The following PDZRN4 variants were observed in gnomAD, a reference collection of about 807,000 sequenced individuals.
The protein encoded by PDZRN4 is PDZ domain-containing RING finger protein 4.
A neutral mutation model predicts 99.0 loss-of-function variants in PDZRN4; 70 were observed. That is an observed-to-expected ratio of 0.71 (90% CI 0.58 to 0.86). PDZRN4 has a LOEUF of 0.86. Ranked by LOEUF, PDZRN4 falls within the 40% of genes least tolerant of loss-of-function variation. The pLI, the probability that PDZRN4 is intolerant of heterozygous loss-of-function variation, is 0.00. For synonymous variants in PDZRN4, 551 were observed against 501.6 expected (o/e 1.10, Z -1.32); for missense variants, 1,474 against 1,331.2 (o/e 1.11, Z -1.67).
In PDZRN4 at chr12:41,311,504, T is replaced by C. The variant is rs368676940; in HGVS notation, c.843+117316T>C. Among the ~76,000 whole-genome samples the C allele has an allele frequency of 5.9e-5, 9 of 152,254 alleles. No individual in the cohort carries two copies. The East Asian group carries it at 1.2e-3, about 20-fold the overall frequency. Reference sequence around the variant, plus strand: ...CACAAAGTGATTTTGCTGTGTATCCTGGGTTGAGAGCTACTGCATTCAATA... The same window carrying C: ...CACAAAGTGATTTTGCTGTGTATCCCGGGTTGAGAGCTACTGCATTCAATA... On this transcript the variant is annotated intron_variant, in intron 3 of 9. Transcript: ENST00000402685.
intron 3 of PDZRN4, among the ~76,000 whole-genome samples, chr12:41,401,499 G>T (rs987294130): frequency 6.6e-6 from 1 of 151,854 alleles, no homozygotes; most frequent in South Asian, 2.1e-4. Context: ...ATTAATTATC[G>T]AGTCAGCAAC....
At chr12:41,410,073 T>C (rs1386740657) in intron 3 of PDZRN4, 1 of 152,196 alleles carries the variant, frequency 6.6e-6, no homozygotes, top group Non-Finnish European at 1.5e-5. Flanking sequence ...CTTCAACATA[T>C]TTTTTGGAGG....
intron 5 of PDZRN4, among the ~76,000 whole-genome samples, chr12:41,535,192 C>A (rs1352251418): frequency 6.6e-6 from 1 of 152,116 alleles, no homozygotes; most frequent in Non-Finnish European, 1.5e-5. Context: ...AATGGCTTTG[C>A]AATTATGCAA....
At chr12:41,555,944 T>C (rs1939153539) in intron 7 of PDZRN4, among the ~76,000 whole-genome samples, 184 bp downstream of exon 7, 1 of 151,698 alleles carries the variant, frequency 6.6e-6, no homozygotes, top group African/African-American at 2.4e-5. Context: ...ATATTAAGAG[T>C]GATTAGCTAA....
intron 3 of PDZRN4, among the ~76,000 whole-genome samples, chr12:41,203,284 G>A (rs1304693718): frequency 1.3e-5 from 2 of 151,978 alleles, no homozygotes; most frequent in African/African-American, 4.8e-5. Context: ...GCATAGAATC[G>A]CTACCAAGAA....
intron 3 of PDZRN4, among the ~76,000 whole-genome samples, chr12:41,271,001 G>A (rs1421423380): frequency 6.6e-6 from 1 of 151,950 alleles, no homozygotes; most frequent in Non-Finnish European, 1.5e-5. Context: ...TTCTAAATCT[G>A]AAATATAGTC....
intron 3 of PDZRN4, among the ~76,000 whole-genome samples, chr12:41,298,422 C>T (rs1021653320): frequency 3.9e-5 from 6 of 152,092 alleles, no homozygotes; most frequent in Admixed American, 6.6e-5. Flanking sequence ...ACCAAAGCTG[C>T]GTTGCCAGTC....
intron 3 of PDZRN4, among the ~76,000 whole-genome samples, chr12:41,361,827 G>C (rs1951965371): frequency 6.6e-6 from 1 of 152,064 alleles, no homozygotes; most frequent in South Asian, 2.1e-4. Flanking sequence ...TTCTGTTACT[G>C]TGGAAAGAGG....
intron 3 of PDZRN4, chr12:41,413,069 AAC>A (rs1316565884): frequency 1.3e-5 from 2 of 150,754 alleles, no homozygotes; most frequent in African/African-American, 4.9e-5. Flanking sequence ...CAGCCTGGGC[AAC>A]AGAGTGAGAC....
intron 3 of PDZRN4, among the ~76,000 whole-genome samples, chr12:41,468,580 A>G (rs1279795675): frequency 1.3e-5 from 2 of 152,200 alleles, no homozygotes; most frequent in Non-Finnish European, 2.9e-5. Context: ...CTAAAAATAT[A>G]CGTTCTTAGC....
At chr12:41,446,182 C>T (rs2120484484) in intron 3 of PDZRN4, among the ~76,000 whole-genome samples, 1 of 152,084 alleles carries the variant, frequency 6.6e-6, no homozygotes, top group South Asian at 2.1e-4. Flanking sequence ...TGTTTAGGTC[C>T]TCTGAAGCTT....
chr12:41,351,176 C>A (rs1305908543), intron 3 of PDZRN4, among the ~76,000 whole-genome samples: 1 of 152,012 alleles, frequency 6.6e-6, no homozygotes, highest in African/African-American at 2.4e-5. Flanking sequence ...GAGTCATTAC[C>A]TTCTAGGTGA....
intron 3 of PDZRN4, among the ~76,000 whole-genome samples, chr12:41,369,227 A>C (rs920033706): frequency 6.6e-6 from 1 of 152,064 alleles, no homozygotes; most frequent in African/African-American, 2.4e-5. Flanking sequence ...ACAGCATCTC[A>C]TTTTACCTGC....
chr12:41,222,294 A>G (rs1033158948), intron 3 of PDZRN4, among the ~76,000 whole-genome samples: 4 of 152,152 alleles, frequency 2.6e-5, no homozygotes, highest in African/African-American at 9.7e-5. Context: ...ATGTTTGTGC[A>G]CATTTTGGAA....
intron 9 of PDZRN4, among the ~76,000 whole-genome samples, chr12:41,571,366 TCTCTCTCTCTCACACACACACACA>T (rs1939472656): frequency 9.4e-6 from 1 of 106,392 alleles, no homozygotes; most frequent in African/African-American, 3.5e-5. Context: ...TCTCTCTCTC[TCTCTCTCTCTCACACACACACACA>T]CACACACACA....
chr12:41,456,348 G>T (rs2405917), intron 3 of PDZRN4, among the ~76,000 whole-genome samples: 78,059 of 151,328 alleles, frequency 0.52, 20,638 homozygotes, highest in African/African-American at 0.65. Context: ...ATGAATGGTT[G>T]TTTATTCTTT....
chr12:41,465,467 G>A (rs1276593703), intron 3 of PDZRN4, among the ~76,000 whole-genome samples: 1 of 151,928 alleles, frequency 6.6e-6, no homozygotes, highest in African/African-American at 2.4e-5. Flanking sequence ...AAATTGGTTG[G>A]ACAAAGAAAA....
At chr12:41,240,830 C>T (rs984808278) in intron 3 of PDZRN4, among the ~76,000 whole-genome samples, 2 of 152,134 alleles carry the variant, frequency 1.3e-5, no homozygotes, top group Admixed American at 6.5e-5. Context: ...GCCCTTATTA[C>T]CTACTCACCT....
intron 3 of PDZRN4, among the ~76,000 whole-genome samples, chr12:41,387,806 G>T (rs1444725342): frequency 6.6e-6 from 1 of 152,184 alleles, no homozygotes; most frequent in Non-Finnish European, 1.5e-5. Flanking sequence ...TGGAGAAAAA[G>T]GAACACTTAT....
Sources: gnomAD v4.1 joint callset for allele counts (sites outside exome capture counted in the v4.1 genomes callset) on GRCh38, gnomAD v4.1.1 for gene constraint, MANE v1.5 for transcripts, NCBI Gene and HGNC (gene_info 2026-07-23, HGNC 2026-07-21) for gene names.